FGF14: variants seen among roughly 807,000 people sequenced by gnomAD.
The protein encoded by FGF14 is fibroblast growth factor 14, also known as fibroblast growth factor homologous factor 4.
Under a neutral mutation model 25.5 loss-of-function variants are expected in FGF14, and 5 were observed. That is an observed-to-expected ratio of 0.20 (90% CI 0.10 to 0.41). FGF14 has a LOEUF of 0.41. FGF14 is among the 10% of genes least tolerant of loss of function. FGF14 has a pLI of 1.00. For synonymous variants in FGF14, 138 were observed against 118.3 expected (o/e 1.17, Z -1.08); for missense variants, 222 against 320.1 (o/e 0.69, Z 2.34).
chr13:101,890,518 G>A (rs2065922653), intron 1 of FGF14, among the ~76,000 whole-genome samples: 1 of 152,110 alleles, frequency 6.6e-6, no homozygotes, highest in South Asian at 2.1e-4. Flanking sequence ...ATCCCAGAAA[G>A]GCAGAACTTT....
At chr13:102,080,728 A>G (rs2043579683) in intron 1 of FGF14, among the ~76,000 whole-genome samples, 1 of 152,248 alleles carries the variant, frequency 6.6e-6, no homozygotes, top group African/African-American at 2.4e-5. Flanking sequence ...CAATGTAGAC[A>G]GCAGAATGAG....
intron 1 of FGF14, among the ~76,000 whole-genome samples, chr13:102,107,479 T>C (rs2044980233): frequency 6.6e-6 from 1 of 151,906 alleles, no homozygotes; most frequent in African/African-American, 2.4e-5. Flanking sequence ...ATTAGGAGCA[T>C]GGTGAGATAT....
intron 1 of FGF14, among the ~76,000 whole-genome samples, chr13:102,054,107 C>G (rs920777786): frequency 2.0e-5 from 3 of 152,128 alleles, no homozygotes; most frequent in Non-Finnish European, 4.4e-5. Flanking sequence ...CAAGACAAGA[C>G]AGAATGGGAT....
intron 1 of FGF14, among the ~76,000 whole-genome samples, chr13:102,248,885 G>T (rs1276861335): frequency 6.6e-6 from 1 of 152,126 alleles, no homozygotes; most frequent in African/African-American, 2.4e-5. Context: ...GAGACTTGAT[G>T]TCTGATTACA....
At chr13:101,843,767 G>A (rs192302600) in intron 3 of FGF14, among the ~76,000 whole-genome samples, 2 of 152,094 alleles carry the variant, frequency 1.3e-5, no homozygotes, top group African/African-American at 2.4e-5. Flanking sequence ...TTTCCTGACA[G>A]TGAATCCATG....
At chr13:102,295,193 T>C (rs1594761284) in intron 1 of FGF14, among the ~76,000 whole-genome samples, 2 of 152,158 alleles carry the variant, frequency 1.3e-5, no homozygotes, top group African/African-American at 4.8e-5. Context: ...CCTCAGTTAG[T>C]TATACTTCTT....
intron 3 of FGF14, among the ~76,000 whole-genome samples, chr13:101,805,272 A>G (rs756986076): frequency 1.2e-4 from 18 of 152,186 alleles, no homozygotes; most frequent in Non-Finnish European, 5.9e-5. Flanking sequence ...TTGAAAATAC[A>G]AAAGAAACTG....
At chr13:101,922,082 G>C (rs1427063762) in intron 1 of FGF14, among the ~76,000 whole-genome samples, 1 of 152,184 alleles carries the variant, frequency 6.6e-6, no homozygotes, top group Non-Finnish European at 1.5e-5. Context: ...TGCCAGGCAA[G>C]TAGGTGCTCA....
At chr13:101,917,179 G>A (rs1426805106), upstream of FGF14, among the ~76,000 whole-genome samples, 1 of 150,350 alleles carries the variant, frequency 6.7e-6, no homozygotes, top group African/African-American at 2.4e-5. Context: ...TGCCGCCGCC[G>A]GCGCCGCCCG....
At chr13:101,843,373 T>C (rs1288312625) in intron 3 of FGF14, among the ~76,000 whole-genome samples, 2 of 152,102 alleles carry the variant, frequency 1.3e-5, no homozygotes, top group Non-Finnish European at 2.9e-5. Flanking sequence ...TGTGTAGAGA[T>C]GCTTATAGCA....
intron 3 of FGF14, among the ~76,000 whole-genome samples, chr13:101,813,996 T>C (rs189006303): frequency 6.6e-6 from 1 of 152,356 alleles, no homozygotes; most frequent in Admixed American, 6.5e-5. Context: ...AATTCATTCA[T>C]TAAACAGTTT....
chr13:101,765,712 TTATTATTTTA>T (rs201197252), intron 3 of FGF14, among the ~76,000 whole-genome samples: 3,438 of 150,048 alleles, frequency 0.023, 87 homozygotes, highest in East Asian at 0.059. Context: ...ATTATTATTA[TTATTATTTTA>T]TTTATTTATT....
chr13:102,086,447 G>A (rs895995679), intron 1 of FGF14, among the ~76,000 whole-genome samples: 2 of 151,962 alleles, frequency 1.3e-5, no homozygotes, highest in Non-Finnish European at 2.9e-5. Context: ...GGAGACTGGC[G>A]TGAACCCGGG....
intron 1 of FGF14, among the ~76,000 whole-genome samples, chr13:101,955,653 T>G (rs529555080): frequency 8.5e-5 from 13 of 152,300 alleles, no homozygotes; most frequent in African/African-American, 2.9e-4. Context: ...GAGACATGAG[T>G]GTCCAATACT....
At chr13:101,757,237 T>A (rs922310085) in intron 3 of FGF14, among the ~76,000 whole-genome samples, 3 of 152,326 alleles carry the variant, frequency 2.0e-5, no homozygotes, top group Middle Eastern at 6.8e-3. Context: ...TAAATCACCA[T>A]ATAAAACTTA....
intron 1 of FGF14, among the ~76,000 whole-genome samples, chr13:102,112,556 G>T (rs1326266007): frequency 2.6e-5 from 4 of 152,024 alleles, no homozygotes; most frequent in African/African-American, 4.8e-5. Flanking sequence ...TTCATTCATT[G>T]AATCAACATT....
chr13:102,146,218 C>T (rs1023311046), intron 1 of FGF14, among the ~76,000 whole-genome samples: 6 of 152,170 alleles, frequency 3.9e-5, no homozygotes, highest in Non-Finnish European at 8.8e-5. Context: ...ACACGCAGTA[C>T]ATGTTACCTT....
intron 3 of FGF14, among the ~76,000 whole-genome samples, chr13:101,862,470 G>T (rs770092804): frequency 6.6e-6 from 1 of 151,618 alleles, no homozygotes; most frequent in African/African-American, 2.4e-5. Flanking sequence ...ATTTATTTCT[G>T]TTATCTAGCT....
At chr13:102,262,983 T>C in intron 1 of FGF14, 1 of 498,014 alleles carries the variant, frequency 2.0e-6, no homozygotes, top group Non-Finnish European at 3.6e-6. Context: ...CTTGATATGG[T>C]AACATGATTG....
Sources: allele counts gnomAD v4.1 joint callset (sites outside exome capture counted in the v4.1 genomes callset), GRCh38; gene constraint gnomAD v4.1.1; transcripts MANE v1.5; gene names NCBI Gene and HGNC (gene_info 2026-07-23, HGNC 2026-07-21).